Variants in INVS observed in about 807,000 individuals in gnomAD.
INVS encodes inversion of embryo turning homolog.
In INVS, 86 loss-of-function variants were observed where a neutral mutation model predicts 108.8. The ratio of observed to expected loss-of-function variants is 0.79; its 90% CI spans 0.66 to 0.95. INVS has a LOEUF of 0.95. INVS is among the 40% of genes least tolerant of loss of function. The probability of loss-of-function intolerance (pLI) is 0.00; values close to 1 mark genes in which losing one functional copy is unlikely to be tolerated. For synonymous variants in INVS, 455 were observed against 473.5 expected (o/e 0.96, Z 0.51); for missense variants, 1,169 against 1,297.4 (o/e 0.90, Z 1.52).
intron 11 of INVS, among the ~76,000 whole-genome samples, chr9:100,265,217 A>T (rs1229824844): frequency 6.6e-6 from 1 of 152,154 alleles, no homozygotes; most frequent in African/African-American, 2.4e-5. Context: ...TGCTGGGATT[A>T]TAGGCGTGAG....
chr9:100,169,228 A>G (rs141445307), intron 3 of INVS, among the ~76,000 whole-genome samples: 1 of 152,296 alleles, frequency 6.6e-6, no homozygotes, highest in African/African-American at 2.4e-5. Context: ...TCTTCAAAGG[A>G]ATGCCTAATT....
intron 3 of INVS, among the ~76,000 whole-genome samples, chr9:100,170,918 T>A (rs1027085634): frequency 7.2e-5 from 11 of 152,156 alleles, no homozygotes; most frequent in African/African-American, 2.7e-4. Context: ...ATTCCTGTGT[T>A]AAATGCTAGG....
intron 2 of INVS, among the ~76,000 whole-genome samples, chr9:100,114,336 C>G (rs1827439402): frequency 6.6e-6 from 1 of 150,956 alleles, no homozygotes; most frequent in African/African-American, 2.4e-5. Context: ...AACTTTTCCA[C>G]AATCCTATGC....
Position 100,292,423 on chromosome 9 carries a change from T to C in INVS, c.2166T>C (p.Val722=), listed in dbSNP as rs1833647437. 2 of 1,612,952 alleles carry C rather than the reference T, an allele frequency of 1.2e-6. No homozygotes were observed. The highest frequency in any genetic ancestry group is 1.7e-6 in the Non-Finnish European group (2 of 1,178,990). The change falls in exon 14 of 17, where the codon GTT becomes GTC. Residue 722 remains valine (V), a synonymous_variant. Coordinates refer to ENST00000262457, the MANE Select transcript of INVS (RefSeq NM_014425.5). ...DGSRHPGVPS[V]EKSRGETAGD... ...GCAGGCATCCAGGAGTTCCCTCTGT[T>C]GAGAAGTCCAGAGGTGAGACAGCTG...
intron 13 of INVS, among the ~76,000 whole-genome samples, chr9:100,291,017 G>A (rs1485265532): frequency 6.6e-6 from 1 of 151,746 alleles, no homozygotes; most frequent in Non-Finnish European, 1.5e-5. Flanking sequence ...TTATTTTAAA[G>A]TCTGTTTCTG....
chr9:100,247,264 T>C (rs1236413448), intron 8 of INVS, among the ~76,000 whole-genome samples: 2 of 152,228 alleles, frequency 1.3e-5, no homozygotes, highest in African/African-American at 4.8e-5. Flanking sequence ...CTCCCATTTT[T>C]AGAGAGAACC....
intron 3 of INVS, among the ~76,000 whole-genome samples, chr9:100,156,384 C>T (rs1208906383): frequency 6.6e-6 from 1 of 151,398 alleles, no homozygotes; most frequent in East Asian, 1.9e-4. Flanking sequence ...CCTAAGCCTC[C>T]CAAGTAGCTG....
intron 2 of INVS, among the ~76,000 whole-genome samples, chr9:100,105,850 C>CTTTTTTTTTTTTTTTTTTTTTTTTTT (rs543070811): frequency 7.8e-5 from 5 of 63,800 alleles, no homozygotes; most frequent in Non-Finnish European, 8.5e-5. Flanking sequence ...GAAAAATTCC[C>CTTTTTTTTTTTTTTTTTTTTTTTTTT]TTTTTTTTTT....
chr9:100,128,536 T>C (rs946445911), intron 3 of INVS, among the ~76,000 whole-genome samples: 8 of 152,202 alleles, frequency 5.3e-5, no homozygotes, highest in African/African-American at 1.9e-4. Context: ...CATTCAGAGA[T>C]GAAATATAGT....
At chr9:100,213,878 A>C (rs1246423062) in intron 3 of INVS, among the ~76,000 whole-genome samples, 1 of 152,112 alleles carries the variant, frequency 6.6e-6, no homozygotes, top group Non-Finnish European at 1.5e-5. Flanking sequence ...AACCCTGAAA[A>C]ATTACCTAAG....
At chr9:100,228,503 G>A (rs901200063) in intron 4 of INVS, among the ~76,000 whole-genome samples, 13 of 152,100 alleles carry the variant, frequency 8.5e-5, no homozygotes, top group African/African-American at 2.9e-4. Flanking sequence ...ATTAAAATTC[G>A]AAACATCCTG....
intron 3 of INVS, among the ~76,000 whole-genome samples, chr9:100,214,069 G>A (rs926578235): frequency 2.6e-5 from 4 of 152,078 alleles, no homozygotes; most frequent in Non-Finnish European, 4.4e-5. Flanking sequence ...TAGGACCATC[G>A]CTTTAATTTG....
intron 11 of INVS, among the ~76,000 whole-genome samples, chr9:100,271,993 T>C (rs1228544678): frequency 3.9e-5 from 6 of 152,044 alleles, no homozygotes; most frequent in African/African-American, 1.2e-4. Flanking sequence ...CTTAGCCTTC[T>C]GAGTAGCTGG....
At chr9:100,297,787 C>T in intron 15 of INVS, 149 bp from the exon 16 acceptor site, 1 of 772,956 alleles carries the variant, frequency 1.3e-6, no homozygotes, top group Non-Finnish European at 2.3e-6. Flanking sequence ...CAGGACTTTA[C>T]CCTGGGCCTA....
At chr9:100,246,540 ATAT>A in intron 7 of INVS, 73 bp from the exon 8 acceptor site, 2 of 1,014,022 alleles carry the variant, frequency 2.0e-6, no homozygotes, top group Non-Finnish European at 3.0e-6. Flanking sequence ...TGGAATTCAC[ATAT>A]TATTATATGA....
At chr9:100,286,942 C>A (rs972513106) in intron 13 of INVS, among the ~76,000 whole-genome samples, 3 of 152,212 alleles carry the variant, frequency 2.0e-5, no homozygotes, top group Non-Finnish European at 4.4e-5. Context: ...CACCAAACTG[C>A]AAGATCTGTA....
At chr9:100,140,795 A>G (rs1393687776) in intron 3 of INVS, among the ~76,000 whole-genome samples, 12 of 151,998 alleles carry the variant, frequency 7.9e-5, no homozygotes, top group Admixed American at 7.2e-4. Flanking sequence ...ATATTGTGGG[A>G]CTGTTAGGAG....
chr9:100,263,013 G>A (rs530661629), intron 10 of INVS, among the ~76,000 whole-genome samples: 1 of 152,280 alleles, frequency 6.6e-6, no homozygotes, highest in South Asian at 2.1e-4. Flanking sequence ...GCCTACGAAA[G>A]TGCTAGGATT....
At position 100,297,049 on chromosome 9, in the gene INVS, C is replaced by A. The variant is rs374199927; in HGVS notation, c.2919C>A (p.Phe973Leu). 13 of 1,613,846 alleles carry A rather than the reference C, an allele frequency of 8.1e-6. No individual in the cohort carries two copies. The African/African-American group carries it at 1.7e-4, about 22-fold the overall frequency. Residue 973 changes from phenylalanine (F) to leucine (L), a missense_variant, in exon 15 of 17, where the codon TTC becomes TTA. By Grantham distance (22) the Phe-to-Leu change is conservative (BLOSUM62 0). Transcript: ENST00000262457. ...GGAGGAAGGAACTGGAACTAAAATTCCCCCAAACCACTGCAGTAAGCAAGG... is the reference window on the plus strand; with the variant it reads ...GGAGGAAGGAACTGGAACTAAAATTACCCCAAACCACTGCAGTAAGCAAGG... Reference protein sequence around the residue: ...QVWRKELELKFPQTTAVSKAP... With the variant: ...QVWRKELELKLPQTTAVSKAP...
Sources: gnomAD v4.1 joint callset for allele counts (sites outside exome capture counted in the v4.1 genomes callset) on GRCh38, gnomAD v4.1.1 for gene constraint, MANE v1.5 for transcripts, NCBI Gene and HGNC (gene_info 2026-07-23, HGNC 2026-07-21) for gene names.